CHD7: variants seen among roughly 807,000 people sequenced by gnomAD.
CHD7 encodes chromodomain helicase DNA binding protein 7.
CHD7 carries 24 observed loss-of-function variants against 307.3 expected under a neutral mutation model. The ratio of observed to expected loss-of-function variants is 0.08; its 90% CI spans 0.06 to 0.11. The LOEUF (loss-of-function observed/expected upper bound fraction) is 0.11. Among genes scored for constraint, CHD7 ranks in the 10% least tolerant of loss-of-function variants. The probability of loss-of-function intolerance (pLI) is 1.00; values close to 1 mark genes in which losing one functional copy is unlikely to be tolerated. For missense variants in CHD7, 3,106 were observed against 3,727.1 expected, an observed-to-expected ratio of 0.83 and a Z score of 4.34; for synonymous variants, 1,363 against 1,349.9, an observed-to-expected ratio of 1.01 and a Z score of -0.21.
At chr8:60,709,572 T>G (rs145411036) in intron 1 of CHD7, among the ~76,000 whole-genome samples, 40 of 152,354 alleles carry the variant, frequency 2.6e-4, no homozygotes, top group Non-Finnish European at 2.9e-5. Flanking sequence ...TTGTTTACTT[T>G]TAATTTATAG....
chr8:60,866,470 G>T lies in CHD7; in HGVS notation c.*537G>T, dbSNP rs755854277. 8 of 152,600 alleles carry T rather than the reference G, an allele frequency of 5.2e-5. 1 individual carries two copies. In the East Asian group the frequency reaches 5.8e-4, roughly 11 times the overall value. The allele number at this position is 152,600 out of a possible 1,614,324, so 9.5% of individuals were successfully genotyped here. Reference sequence around the variant, plus strand: ...ACACTCTGACAATCTCCACGCTAGTGTGAACGCCTCTGTCCCGAGGCGCAG... The same window carrying T: ...ACACTCTGACAATCTCCACGCTAGTTTGAACGCCTCTGTCCCGAGGCGCAG... On this transcript the variant is annotated 3_prime_UTR_variant, in exon 38 of 38. Coordinates refer to ENST00000423902, the MANE Select transcript of CHD7 (RefSeq NM_017780.4).
At chr8:60,753,585 G>A (rs1809744694) in intron 2 of CHD7, among the ~76,000 whole-genome samples, 1 of 151,960 alleles carries the variant, frequency 6.6e-6, no homozygotes, top group Admixed American at 6.6e-5. Context: ...ATAAAAATGA[G>A]CCCAATAATA....
At chr8:60,813,790 T>G (rs1274905570) in intron 7 of CHD7, among the ~76,000 whole-genome samples, 1 of 151,584 alleles carries the variant, frequency 6.6e-6, no homozygotes, top group African/African-American at 2.4e-5. Flanking sequence ...TGGAGTTGTG[T>G]TTGTTAATAT....
chr8:60,734,261 G>A (rs1199828848), intron 1 of CHD7, among the ~76,000 whole-genome samples: 1 of 152,142 alleles, frequency 6.6e-6, no homozygotes, highest in Admixed American at 6.5e-5. Context: ...GAATCACTTG[G>A]GGCCTTTGTT....
At chr8:60,695,090 C>T (rs1806403808) in intron 1 of CHD7, among the ~76,000 whole-genome samples, 1 of 152,088 alleles carries the variant, frequency 6.6e-6, no homozygotes, top group African/African-American at 2.4e-5. Flanking sequence ...GACTAGGAGC[C>T]TGGCATGGAG....
At chr8:60,811,563 A>G (rs923488312) in intron 7 of CHD7, among the ~76,000 whole-genome samples, 10 of 152,160 alleles carry the variant, frequency 6.6e-5, no homozygotes, top group African/African-American at 2.4e-4. Flanking sequence ...TAACCATTCA[A>G]CCAGCCTCCT....
chr8:60,815,177 A>T (rs975627511), intron 7 of CHD7, among the ~76,000 whole-genome samples: 1 of 152,252 alleles, frequency 6.6e-6, no homozygotes, highest in African/African-American at 2.4e-5. Context: ...AATGAGTCCT[A>T]TCTTTGCAAA....
intron 1 of CHD7, among the ~76,000 whole-genome samples, chr8:60,706,004 G>T (rs1489780053): frequency 9.9e-5 from 15 of 152,060 alleles, no homozygotes; most frequent in Admixed American, 9.2e-4. Context: ...AAACATCCTT[G>T]ATTCTAGGTC....
chr8:60,800,950 C>T (rs1212720580), intron 5 of CHD7, among the ~76,000 whole-genome samples: 2 of 152,168 alleles, frequency 1.3e-5, no homozygotes, highest in African/African-American at 2.4e-5. Context: ...GTACTTTATT[C>T]TCTGTGCAAT....
intron 2 of CHD7, among the ~76,000 whole-genome samples, chr8:60,770,902 A>G (rs1810676476): frequency 6.6e-6 from 1 of 152,240 alleles, no homozygotes; most frequent in Non-Finnish European, 1.5e-5. Context: ...TGTGAGCAAC[A>G]ACGATTAGGT....
intron 3 of CHD7, among the ~76,000 whole-genome samples, chr8:60,792,700 C>T (rs79450904): frequency 1.8e-4 from 28 of 152,140 alleles, no homozygotes; most frequent in Admixed American, 6.5e-5. Flanking sequence ...GGGCTCTGGT[C>T]GGTTTCCAGA....
At chr8:60,723,165 A>G (rs1322707558) in intron 1 of CHD7, among the ~76,000 whole-genome samples, 1 of 152,170 alleles carries the variant, frequency 6.6e-6, no homozygotes, top group Non-Finnish European at 1.5e-5. Context: ...GCCTTTAAGT[A>G]TCAGAAAACT....
At chr8:60,853,840 C>T (rs1266344062) in intron 31 of CHD7, among the ~76,000 whole-genome samples, 2 of 152,174 alleles carry the variant, frequency 1.3e-5, no homozygotes, top group African/African-American at 2.4e-5. Context: ...TGGTCATTCA[C>T]TGAGTAAATA....
At chr8:60,769,601 C>T (rs1810621296) in intron 2 of CHD7, among the ~76,000 whole-genome samples, 1 of 152,266 alleles carries the variant, frequency 6.6e-6, no homozygotes, top group East Asian at 1.9e-4. Context: ...AAAAAAATTC[C>T]ATGTAGTAGT....
intron 1 of CHD7, among the ~76,000 whole-genome samples, chr8:60,709,879 A>G (rs1484214764): frequency 6.6e-6 from 1 of 152,232 alleles, no homozygotes; most frequent in Admixed American, 6.5e-5. Context: ...AGAGTTTAAA[A>G]TGTGTCTTAT....
At position 60,723,670 on chromosome 8, in the gene CHD7, A is replaced by G. The variant is rs145087657; in HGVS notation, c.-174-17589A>G. 7.9e-5 allele frequency among the ~76,000 whole-genome samples: 12 copies of G among 152,374 alleles called. No homozygotes were observed. The East Asian group carries it at 2.1e-3, about 27-fold the overall frequency. ...AGTGACCTTGGAGACAGGACACCAC[A>G]TTCAGTGATAACGCGAATGGTTAGA... is the stretch of plus-strand genomic sequence containing the variant. On this transcript the variant is annotated intron_variant, in intron 1 of 37. Transcript: ENST00000423902.
chr8:60,725,827 A>G (rs2150552519), intron 1 of CHD7, among the ~76,000 whole-genome samples: 1 of 152,308 alleles, frequency 6.6e-6, no homozygotes, highest in Admixed American at 6.5e-5. Context: ...TAGGACCAAC[A>G]CACTCCAGGC....
At chr8:60,812,113 T>A (rs1812838334) in intron 7 of CHD7, among the ~76,000 whole-genome samples, 1 of 152,224 alleles carries the variant, frequency 6.6e-6, no homozygotes, top group South Asian at 2.1e-4. Flanking sequence ...GACTTCATGG[T>A]GTTTATTGCA....
chr8:60,793,474 A>G (rs942860150), intron 3 of CHD7, among the ~76,000 whole-genome samples: 2 of 152,210 alleles, frequency 1.3e-5, no homozygotes, highest in African/African-American at 4.8e-5. Context: ...ATGATCAAAT[A>G]TTTTATTTAG....
Sources: allele counts gnomAD v4.1 joint callset (sites outside exome capture counted in the v4.1 genomes callset), GRCh38; gene constraint gnomAD v4.1.1; transcripts MANE v1.5; gene names NCBI Gene and HGNC (gene_info 2026-07-23, HGNC 2026-07-21).